The following SEMA5B variants were observed in gnomAD, a reference collection of about 807,000 sequenced individuals.
The protein encoded by SEMA5B is semaphorin 5B.
In SEMA5B, 66 loss-of-function variants were observed where a neutral mutation model predicts 135.0. The observed-to-expected ratio is 0.49, with a 90% confidence interval of 0.40 to 0.60. The LOEUF (loss-of-function observed/expected upper bound fraction) is 0.60. SEMA5B is among the 20% of genes least tolerant of loss of function. SEMA5B has a pLI of 0.00. For missense variants in SEMA5B, 1,501 were observed against 1,566.3 expected, an observed-to-expected ratio of 0.96 and a Z score of 0.70; for synonymous variants, 690 against 639.5, an observed-to-expected ratio of 1.08 and a Z score of -1.19.
chr3:122,969,406 G>A (rs767019545), intron 1 of SEMA5B, among the ~76,000 whole-genome samples: 1 of 152,196 alleles, frequency 6.6e-6, no homozygotes, highest in Non-Finnish European at 1.5e-5. Flanking sequence ...CTGATTCCCT[G>A]TATCCAAAGC....
intron 4 of SEMA5B, among the ~76,000 whole-genome samples, chr3:122,943,054 G>A (rs969776340): frequency 6.6e-6 from 1 of 152,228 alleles, no homozygotes; most frequent in South Asian, 2.1e-4. Flanking sequence ...GCAGGCCGCC[G>A]GCTGGCCGGC....
Position 122,913,021 on chromosome 3 carries a change from C to CG in SEMA5B, c.2546dup (p.His850AlafsTer33), listed in dbSNP as rs1937831238. 1 of 1,589,038 alleles carries CG rather than the reference C, an allele frequency of 6.3e-7. No individual in the cohort carries two copies. Among genetic ancestry groups the CG allele is most frequent in the Non-Finnish European group, 8.6e-7 (1 of 1,168,260 alleles). ...CGGCCCAGCCCCCGCTCACCGTGTG[C>CG]GGGGAGGTGCTCCCGCTGCGCAGGA... On this transcript the variant is annotated frameshift_variant, in exon 18 of 23. Coordinates refer to ENST00000357599, the MANE Select transcript of SEMA5B (RefSeq NM_001031702.4). LOFTEE classifies it high-confidence loss of function.
At chr3:122,954,114 C>T (rs887293040) in intron 2 of SEMA5B, among the ~76,000 whole-genome samples, 1 of 152,202 alleles carries the variant, frequency 6.6e-6, no homozygotes, top group African/African-American at 2.4e-5. Flanking sequence ...GGGTGGAATG[C>T]AGCAGCATGA....
intron 1 of SEMA5B, among the ~76,000 whole-genome samples, chr3:122,968,230 T>C (rs1010713545): frequency 2.2e-4 from 34 of 152,252 alleles, no homozygotes; most frequent in Non-Finnish European, 8.8e-5. Context: ...TGTAGCTACC[T>C]CCTTCACAGT....
intron 2 of SEMA5B, among the ~76,000 whole-genome samples, chr3:122,952,500 G>A (rs370950560): frequency 7.9e-5 from 12 of 152,322 alleles, no homozygotes; most frequent in African/African-American, 2.4e-4. Context: ...AACTGGGGAT[G>A]ATAATAACAA....
At chr3:122,944,479 A>C (rs963920260) in intron 3 of SEMA5B, among the ~76,000 whole-genome samples, 3 of 152,214 alleles carry the variant, frequency 2.0e-5, no homozygotes, top group Admixed American at 1.3e-4. Context: ...CTAGATCTCC[A>C]GGCTCAGTCC....
chr3:122,945,012 A>T (rs1560340174), intron 3 of SEMA5B, among the ~76,000 whole-genome samples: 1 of 152,210 alleles, frequency 6.6e-6, no homozygotes, highest in Non-Finnish European at 1.5e-5. Flanking sequence ...AGGCAGAGAG[A>T]GAGAGAGAGT....
chr3:122,965,604 G>C (rs79081551), intron 1 of SEMA5B, among the ~76,000 whole-genome samples: 1,860 of 152,344 alleles, frequency 0.012, 41 homozygotes, highest in African/African-American at 0.043. Flanking sequence ...ACCAGCAGCT[G>C]CTGCCACTTC....
At chr3:122,951,634 T>G (rs1220247125) in intron 2 of SEMA5B, among the ~76,000 whole-genome samples, 1 of 152,220 alleles carries the variant, frequency 6.6e-6, no homozygotes, top group Non-Finnish European at 1.5e-5. Flanking sequence ...TGTCATTTTC[T>G]TCAGCAATGA....
chr3:122,925,715 G>A (rs1042249751), intron 9 of SEMA5B, among the ~76,000 whole-genome samples: 3 of 152,072 alleles, frequency 2.0e-5, no homozygotes, highest in Non-Finnish European at 4.4e-5. Flanking sequence ...AAAAAGTATC[G>A]TAAAGTTTTC....
At chr3:123,025,578 T>A (rs1942779167) in intron 1 of SEMA5B, among the ~76,000 whole-genome samples, 1 of 152,200 alleles carries the variant, frequency 6.6e-6, no homozygotes, top group Non-Finnish European at 1.5e-5. Flanking sequence ...CACTGGCTGC[T>A]TGGAAAAAGA....
Position 122,987,848 on chromosome 3 carries a change from A to AT in SEMA5B, c.-38-26548dup, listed in dbSNP as rs368403188. Among the ~76,000 whole-genome samples, 1,031 of 149,900 alleles carry AT rather than the reference A, an allele frequency of 6.9e-3. 9 individuals carry two copies. The highest frequency in any genetic ancestry group is 9.4e-3 in the Admixed American group (142 of 15,034). ...TGTTGGGGTTGGGTTTTTGAAATTT[A>AT]TTTTTTTTTTCAATTTGGAGAATTT... On this transcript the variant is annotated intron_variant, in intron 1 of 22. Transcript: ENST00000357599.
chr3:122,992,196 G>A (rs1464660561), intron 1 of SEMA5B, among the ~76,000 whole-genome samples: 1 of 152,186 alleles, frequency 6.6e-6, no homozygotes, highest in Admixed American at 6.5e-5. Flanking sequence ...AAGAAAAAAA[G>A]AGTTCCCGTG....
chr3:123,021,310 A>G (rs1001672794), intron 1 of SEMA5B, among the ~76,000 whole-genome samples: 2 of 152,220 alleles, frequency 1.3e-5, no homozygotes, highest in Non-Finnish European at 2.9e-5. Flanking sequence ...CTTTGAGTGG[A>G]TGAGGCCTCT....
At chr3:122,913,472 C>T (rs1210913049) in intron 16 of SEMA5B, 48 bp from the exon 17 acceptor site, 4 of 1,566,156 alleles carry the variant, frequency 2.6e-6, no homozygotes, top group Non-Finnish European at 2.6e-6. Context: ...GCCTCCAGGC[C>T]CGCCCTCCCC....
At chr3:122,976,881 C>A (rs1330526747) in intron 1 of SEMA5B, among the ~76,000 whole-genome samples, 3 of 152,102 alleles carry the variant, frequency 2.0e-5, no homozygotes, top group African/African-American at 7.2e-5. Context: ...GAAACCCGGT[C>A]TCTCCTAAAA....
chr3:122,978,571 G>A (rs1941413104), intron 1 of SEMA5B, among the ~76,000 whole-genome samples: 1 of 152,016 alleles, frequency 6.6e-6, no homozygotes, highest in African/African-American at 2.4e-5. Flanking sequence ...GAGAATGACA[G>A]GGTCTGGGCA....
chr3:122,948,948 A>G (rs903307804), intron 2 of SEMA5B, among the ~76,000 whole-genome samples: 1 of 152,234 alleles, frequency 6.6e-6, no homozygotes, highest in South Asian at 2.1e-4. Flanking sequence ...TTTTCTATTT[A>G]TGATCCCAAA....
rs758824477 is a variant in SEMA5B at position 122,915,512 on chromosome 3, C to T, written c.1916G>A (p.Cys639Tyr). Residue 639 changes from cysteine to tyrosine, a missense_variant, in exon 14 of 23, where the codon TGT becomes TAT. By Grantham distance (194) the Cys-to-Tyr change is radical. Transcript: ENST00000357599. Reference protein sequence around the residue: ...SGSCLCRARSCDSPRPRCGGL... With the variant: ...SGSCLCRARSYDSPRPRCGGL... ...CCCACAGCGGGGTCGAGGGGAATCA[C>T]AGGATCGAGCTCGACACAGGCAAGA... 2.5e-6 allele frequency: 4 copies of T among 1,613,922 alleles called. No homozygotes were observed. The highest frequency in any genetic ancestry group is 1.3e-5 in the African/African-American group (1 of 74,924).
Sources: allele counts gnomAD v4.1 joint callset (sites outside exome capture counted in the v4.1 genomes callset), GRCh38; gene constraint gnomAD v4.1.1; transcripts MANE v1.5; gene names NCBI Gene and HGNC (gene_info 2026-07-23, HGNC 2026-07-21).